The following MAF variants were observed in gnomAD, a reference collection of about 807,000 sequenced individuals.
The protein encoded by MAF is MAF bZIP transcription factor.
In MAF, 10 loss-of-function variants were observed where a neutral mutation model predicts 22.0. That is an observed-to-expected ratio of 0.45 (90% CI 0.28 to 0.77). MAF has a LOEUF of 0.77. MAF is among the 30% of genes least tolerant of loss of function. The pLI is 0.12. For synonymous variants in MAF, 337 were observed against 255.8 expected (o/e 1.32, Z -3.03); for missense variants, 544 against 548.4 (o/e 0.99, Z 0.08).
At chr16:79,554,323 A>G in the MAF span, among the ~76,000 whole-genome samples, 1 of 152,178 alleles carries the variant, frequency 6.6e-6, no homozygotes, top group Non-Finnish European at 1.5e-5. Context: ...TGAGGGTTCC[A>G]TATCCATGTC....
At chr16:79,405,044 A>G in the MAF span, among the ~76,000 whole-genome samples, 1 of 152,154 alleles carries the variant, frequency 6.6e-6, no homozygotes, top group East Asian at 1.9e-4. Flanking sequence ...TGAGTCCCAC[A>G]TGCTGCTCCA....
At chr16:79,553,532 C>G in the MAF span, among the ~76,000 whole-genome samples, 1 of 152,206 alleles carries the variant, frequency 6.6e-6, no homozygotes, top group South Asian at 2.1e-4. Flanking sequence ...AGCATATTGC[C>G]TCCACAACAC....
chr16:79,485,741 T>C, the MAF span, among the ~76,000 whole-genome samples: 1 of 152,196 alleles, frequency 6.6e-6, no homozygotes, highest in South Asian at 2.1e-4. Flanking sequence ...TCCTCCTGAA[T>C]CTTCCTTCTG....
chr16:79,319,681 T>C, the MAF span, among the ~76,000 whole-genome samples: 1 of 149,546 alleles, frequency 6.7e-6, no homozygotes, highest in Admixed American at 6.6e-5. Context: ...TATTTGCATA[T>C]TCATTTCTCC....
chr16:79,561,698 T>G, the MAF span, among the ~76,000 whole-genome samples: 5 of 152,020 alleles, frequency 3.3e-5, no homozygotes, highest in South Asian at 1.0e-3. Flanking sequence ...CCCTACAATG[T>G]CTTGAGGAGA....
At chr16:79,270,066 G>A in the MAF span, among the ~76,000 whole-genome samples, 1 of 151,918 alleles carries the variant, frequency 6.6e-6, no homozygotes, top group African/African-American at 2.4e-5. Flanking sequence ...ATGCTTACGG[G>A]AATTCAAGTC....
chr16:79,395,873 A>G, the MAF span, among the ~76,000 whole-genome samples: 1 of 152,156 alleles, frequency 6.6e-6, no homozygotes, highest in Non-Finnish European at 1.5e-5. Context: ...GGGCAGTGAG[A>G]GAGAACTGGC....
chr16:79,533,636 G>T, the MAF span, among the ~76,000 whole-genome samples: 1 of 152,084 alleles, frequency 6.6e-6, no homozygotes, highest in Non-Finnish European at 1.5e-5. Context: ...CCGGAGGTAG[G>T]AATTCCAGAA....
chr16:79,297,470 T>C, the MAF span, among the ~76,000 whole-genome samples: 1 of 152,174 alleles, frequency 6.6e-6, no homozygotes. Flanking sequence ...AGTCAGACTG[T>C]GAACGAGGAA....
At chr16:79,542,609 G>C in the MAF span, among the ~76,000 whole-genome samples, 1 of 152,226 alleles carries the variant, frequency 6.6e-6, no homozygotes, top group Non-Finnish European at 1.5e-5. Context: ...TCTGGGTACA[G>C]TGGCCAGATC....
the MAF span, among the ~76,000 whole-genome samples, chr16:79,518,628 C>G: frequency 6.6e-6 from 1 of 152,220 alleles, no homozygotes; most frequent in South Asian, 2.1e-4. Flanking sequence ...ATGCTGATAA[C>G]ACTTTACATA....
At chr16:79,491,046 G>C in the MAF span, among the ~76,000 whole-genome samples, 1 of 152,222 alleles carries the variant, frequency 6.6e-6, no homozygotes, top group Non-Finnish European at 1.5e-5. Context: ...ATGGAAACAA[G>C]TCACAGATAG....
the MAF span, among the ~76,000 whole-genome samples, chr16:79,415,279 AAGGG>A: frequency 2.3e-4 from 32 of 141,656 alleles, no homozygotes; most frequent in Admixed American, 1.9e-3. Flanking sequence ...GGAAGGAAGG[AAGGG>A]AGGGAGGGAG....
the MAF span, among the ~76,000 whole-genome samples, chr16:79,343,935 A>G: frequency 1.9e-3 from 292 of 152,290 alleles, 1 homozygote; most frequent in Non-Finnish European, 2.9e-3. Flanking sequence ...AATCAATGTG[A>G]TGTTTGCATT....
downstream of MAF, chr16:79,585,830 GAAAA>G (rs59488209): frequency 7.1e-3 from 3,682 of 515,632 alleles, 7 homozygotes; most frequent in South Asian, 9.7e-3. Flanking sequence ...CAAAGAAAAG[GAAAA>G]AAAAAAAAAA....
At chr16:79,536,824 T>C in the MAF span, among the ~76,000 whole-genome samples, 1 of 152,184 alleles carries the variant, frequency 6.6e-6, no homozygotes, top group Non-Finnish European at 1.5e-5. Flanking sequence ...TTAAAGTATA[T>C]CTGAAGATGT....
chr16:79,272,110 T>C, the MAF span, among the ~76,000 whole-genome samples: 1 of 152,120 alleles, frequency 6.6e-6, no homozygotes, highest in East Asian at 1.9e-4. Flanking sequence ...AGAAAACCTT[T>C]GCCTAGTGGG....
At chr16:79,558,490 A>G in the MAF span, among the ~76,000 whole-genome samples, 1 of 152,340 alleles carries the variant, frequency 6.6e-6, no homozygotes, top group African/African-American at 2.4e-5. Flanking sequence ...TTAAAAAGCA[A>G]TATTGGCACT....
the MAF span, among the ~76,000 whole-genome samples, chr16:79,542,982 C>A: frequency 2.0e-5 from 3 of 152,194 alleles, no homozygotes; most frequent in Non-Finnish European, 4.4e-5. Flanking sequence ...TGTGCATGCA[C>A]ACGTGTGTGT....
Sources: gnomAD v4.1 joint callset for allele counts (sites outside exome capture counted in the v4.1 genomes callset) on GRCh38, gnomAD v4.1.1 for gene constraint, MANE v1.5 for transcripts, NCBI Gene and HGNC (gene_info 2026-07-23, HGNC 2026-07-21) for gene names.